Variants in EFNA5 observed in about 807,000 individuals in gnomAD.
EFNA5 encodes ephrin-A5.
A neutral mutation model predicts 22.9 loss-of-function variants in EFNA5; 5 were observed. The ratio of observed to expected loss-of-function variants is 0.22; its 90% CI spans 0.11 to 0.46. The LOEUF (loss-of-function observed/expected upper bound fraction) is 0.46, where lower values mean the gene tolerates loss of function less well. EFNA5 is among the 20% of genes least tolerant of loss of function. EFNA5 has a pLI of 0.99. For synonymous variants in EFNA5, 113 were observed against 112.2 expected (o/e 1.01, Z -0.04); for missense variants, 237 against 293.3 (o/e 0.81, Z 1.40).
At chr5:107,559,805 A>G (rs977998432) in intron 1 of EFNA5, among the ~76,000 whole-genome samples, 2 of 152,150 alleles carry the variant, frequency 1.3e-5, no homozygotes, top group African/African-American at 4.8e-5. Flanking sequence ...TAAAATACAC[A>G]CTGATGCCTC....
At chr5:107,396,889 G>A (rs769848862) in intron 2 of EFNA5, among the ~76,000 whole-genome samples, 7 of 152,064 alleles carry the variant, frequency 4.6e-5, no homozygotes, top group Non-Finnish European at 5.9e-5. Flanking sequence ...TAGAGGGACC[G>A]TAGGACAAGG....
chr5:107,446,142 G>A (rs1289244002), intron 1 of EFNA5, among the ~76,000 whole-genome samples: 1 of 152,094 alleles, frequency 6.6e-6, no homozygotes, highest in South Asian at 2.1e-4. Context: ...TCACTCCTAG[G>A]ACATGTTAGG....
intron 1 of EFNA5, among the ~76,000 whole-genome samples, chr5:107,505,895 T>C (rs1216283916): frequency 1.3e-5 from 2 of 152,064 alleles, no homozygotes; most frequent in African/African-American, 4.8e-5. Flanking sequence ...TCATCCCCAT[T>C]TTCCATTTGA....
intron 1 of EFNA5, among the ~76,000 whole-genome samples, chr5:107,450,124 A>G (rs1749520396): frequency 6.6e-6 from 1 of 152,206 alleles, no homozygotes; most frequent in Admixed American, 6.5e-5. Flanking sequence ...AAATATTTAT[A>G]TGCCTCGACT....
At chr5:107,642,462 TAAAA>T (rs752015344) in intron 1 of EFNA5, among the ~76,000 whole-genome samples, 3 of 70,742 alleles carry the variant, frequency 4.2e-5, no homozygotes, top group Admixed American at 1.6e-4. Context: ...TTTTGTCAAC[TAAAA>T]AAAAAAAAAA....
chr5:107,526,849 T>C (rs1747706033), intron 1 of EFNA5, among the ~76,000 whole-genome samples: 1 of 152,174 alleles, frequency 6.6e-6, no homozygotes, highest in Non-Finnish European at 1.5e-5. Context: ...TAGCTTACAA[T>C]GCCAGGAAAA....
chr5:107,494,775 A>G (rs1746928422), intron 1 of EFNA5, among the ~76,000 whole-genome samples: 1 of 152,102 alleles, frequency 6.6e-6, no homozygotes, highest in Non-Finnish European at 1.5e-5. Flanking sequence ...CTTTATGTCT[A>G]GCTCAGGAAT....
At chr5:107,641,269 A>T (rs1750503697) in intron 1 of EFNA5, among the ~76,000 whole-genome samples, 1 of 151,930 alleles carries the variant, frequency 6.6e-6, no homozygotes, top group Non-Finnish European at 1.5e-5. Context: ...GAGGAGCAGG[A>T]ATCACTTGAA....
intron 1 of EFNA5, among the ~76,000 whole-genome samples, chr5:107,569,799 C>T (rs576725308): frequency 6.9e-6 from 1 of 144,176 alleles, no homozygotes; most frequent in South Asian, 2.2e-4. Flanking sequence ...CTGCAGTTAG[C>T]CAAGATTGCA....
chr5:107,570,832 G>T (rs37444), intron 1 of EFNA5, among the ~76,000 whole-genome samples: 84,202 of 152,006 alleles, frequency 0.55, 23,946 homozygotes, highest in South Asian at 0.66. Flanking sequence ...TTCTATATCC[G>T]TATATACCTG....
rs56838945 is a variant in EFNA5 at position 107,660,261 on chromosome 5, CATATATATATATATATATATATAT to C, written c.125+10204_125+10227del. Among the ~76,000 whole-genome samples, 291 of 52,456 alleles carry C rather than the reference CATATATATATATATATATATATAT, an allele frequency of 5.5e-3. 5 individuals are homozygous for C. The highest frequency in any genetic ancestry group is 0.019 in the East Asian group (60 of 3,166). The allele number at this position is 52,456 out of a possible 152,430, so 34.4% of individuals were successfully genotyped here. On this transcript the variant is annotated intron_variant, in intron 1 of 4. Transcript: ENST00000333274. ...ACTGGAACCTCTGAGATGGCAAAAACATATATATATATATATATATATATATATATATATATATATATATATATA... is the reference window on the plus strand; with the variant it reads ...ACTGGAACCTCTGAGATGGCAAAAACATATATATATATATATATATATATA...
chr5:107,613,404 T>A (rs759949833), intron 1 of EFNA5, among the ~76,000 whole-genome samples: 3 of 152,110 alleles, frequency 2.0e-5, no homozygotes, highest in Non-Finnish European at 4.4e-5. Context: ...TAAAACAATC[T>A]TCAAGATGTT....
At chr5:107,536,622 C>T (rs1363094019) in intron 1 of EFNA5, among the ~76,000 whole-genome samples, 1 of 152,100 alleles carries the variant, frequency 6.6e-6, no homozygotes, top group Admixed American at 6.5e-5. Flanking sequence ...AATTCTATGT[C>T]CAAATTCTTA....
At chr5:107,392,020 T>C (rs1386375966) in intron 2 of EFNA5, among the ~76,000 whole-genome samples, 7 of 152,222 alleles carry the variant, frequency 4.6e-5, no homozygotes, top group Non-Finnish European at 8.8e-5. Flanking sequence ...AAAATGACGA[T>C]ATTCAGTGCC....
At chr5:107,487,654 A>G (rs1746675370) in intron 1 of EFNA5, among the ~76,000 whole-genome samples, 1 of 152,228 alleles carries the variant, frequency 6.6e-6, no homozygotes, top group Non-Finnish European at 1.5e-5. Flanking sequence ...ATAGGGAATC[A>G]TGATAACTTC....
At chr5:107,521,804 C>T (rs1747605180) in intron 1 of EFNA5, among the ~76,000 whole-genome samples, 1 of 152,024 alleles carries the variant, frequency 6.6e-6, no homozygotes, top group Non-Finnish European at 1.5e-5. Flanking sequence ...TGAAGACCAT[C>T]TATATATTAT....
intron 2 of EFNA5, among the ~76,000 whole-genome samples, chr5:107,406,592 T>C (rs1748229206): frequency 6.6e-6 from 1 of 152,172 alleles, no homozygotes. Flanking sequence ...ATGTTTTATA[T>C]ATATATATCA....
chr5:107,454,050 T>C (rs867409585), intron 1 of EFNA5, among the ~76,000 whole-genome samples: 4 of 152,142 alleles, frequency 2.6e-5, no homozygotes, highest in Non-Finnish European at 5.9e-5. Flanking sequence ...GGTTCCAATA[T>C]GAACAAAAGC....
intron 1 of EFNA5, among the ~76,000 whole-genome samples, chr5:107,620,323 C>T (rs532720782): frequency 2.0e-5 from 3 of 152,322 alleles, no homozygotes; most frequent in East Asian, 1.9e-4. Context: ...AATATTTGTA[C>T]CGTAAATTAC....
Sources: gnomAD v4.1 joint callset for allele counts (sites outside exome capture counted in the v4.1 genomes callset) on GRCh38, gnomAD v4.1.1 for gene constraint, MANE v1.5 for transcripts, NCBI Gene and HGNC (gene_info 2026-07-23, HGNC 2026-07-21) for gene names.